Variants in TMTC1 observed in about 807,000 individuals in gnomAD.
TMTC1 encodes protein O-mannosyl-transferase TMTC1.
A neutral mutation model predicts 104.8 loss-of-function variants in TMTC1; 73 were observed. The ratio of observed to expected loss-of-function variants is 0.70; its 90% confidence interval spans 0.58 to 0.85. The LOEUF (loss-of-function observed/expected upper bound fraction) is 0.85. TMTC1 is among the 40% of genes least tolerant of loss of function. The pLI, the probability that TMTC1 is intolerant of heterozygous loss-of-function variation, is 0.00. For synonymous variants in TMTC1, 434 were observed against 428.7 expected (o/e 1.01, Z -0.15); for missense variants, 1,035 against 1,096.1 (o/e 0.94, Z 0.79).
In TMTC1 at chr12:29,758,753, C is replaced by T; in HGVS notation, c.505G>A (p.Asp169Asn). The T allele has an allele frequency of 6.2e-7, 1 of 1,610,806 alleles. No individual in the cohort carries two copies. Among genetic ancestry groups the T allele is most frequent in the Non-Finnish European group, 8.5e-7 (1 of 1,178,930 alleles). Residue 169 changes from aspartate (D) to asparagine (N), a missense_variant, in exon 3 of 18, where the codon GAC (aspartate) becomes AAC (asparagine). By Grantham distance (23) the Asp-to-Asn change is conservative (BLOSUM62 1). Transcript: ENST00000539277. The stretch of plus-strand genomic sequence containing the variant: ...AGAAACAGCAGACACGCTAACACGT[C>T]CGCTCTGCCAACGATCCCAGCCACC... ...EAVAGIVGRA[D>N]VLACLLFLLA...
chr12:29,692,713 C>T (rs11050380), intron 5 of TMTC1, among the ~76,000 whole-genome samples: 40,239 of 144,102 alleles, frequency 0.28, 9,506 homozygotes, highest in Admixed American at 0.39. Context: ...GTATTATTCA[C>T]GACAGCCCCA....
chr12:29,643,621 C>A (rs1215554327), intron 5 of TMTC1, among the ~76,000 whole-genome samples: 42 of 10,198 alleles, frequency 4.1e-3, no homozygotes, highest in South Asian at 7.9e-3. Context: ...TAATATATAT[C>A]TATATATTAT....
chr12:29,715,246 G>A (rs1942043797), intron 5 of TMTC1, among the ~76,000 whole-genome samples: 1 of 152,128 alleles, frequency 6.6e-6, no homozygotes, highest in Admixed American at 6.5e-5. Context: ...AGACCAATGA[G>A]TCATTTTTTG....
At chr12:29,695,813 ATATATATATATATAT>A (rs2136775722) in intron 5 of TMTC1, among the ~76,000 whole-genome samples, 2 of 112,994 alleles carry the variant, frequency 1.8e-5, no homozygotes, top group East Asian at 4.7e-4. Context: ...ATATATATAT[ATATATATATATATAT>A]AACCTGTCTT....
At chr12:29,525,268 C>T (rs144505809) in intron 11 of TMTC1, among the ~76,000 whole-genome samples, 1,946 of 143,142 alleles carry the variant, frequency 0.014, 42 homozygotes, top group African/African-American at 0.047. Flanking sequence ...CCGCAACCTC[C>T]GTCTCCTGGG....
chr12:29,706,544 T>C (rs980508293), intron 5 of TMTC1, among the ~76,000 whole-genome samples: 25 of 152,284 alleles, frequency 1.6e-4, no homozygotes, highest in African/African-American at 5.5e-4. Flanking sequence ...ATTACTTCTA[T>C]GTACATTTTG....
intron 2 of TMTC1, among the ~76,000 whole-genome samples, chr12:29,760,118 T>C (rs912815578): frequency 3.3e-5 from 5 of 152,184 alleles, no homozygotes; most frequent in Non-Finnish European, 7.4e-5. Context: ...CAATAGGCCA[T>C]AGCATCTAGG....
chr12:29,760,018 G>C (rs1265251833), intron 2 of TMTC1, among the ~76,000 whole-genome samples: 1 of 152,032 alleles, frequency 6.6e-6, no homozygotes, highest in Non-Finnish European at 1.5e-5. Context: ...TATTTCTATT[G>C]TATATTTTCT....
At chr12:29,522,735 G>C (rs986325145) in intron 11 of TMTC1, among the ~76,000 whole-genome samples, 1 of 152,160 alleles carries the variant, frequency 6.6e-6, no homozygotes, top group Admixed American at 6.5e-5. Flanking sequence ...TTAAGAACGA[G>C]GCTCCCAAGA....
intron 6 of TMTC1, among the ~76,000 whole-genome samples, chr12:29,616,023 C>G (rs1006360164): frequency 7.9e-5 from 12 of 152,114 alleles, no homozygotes; most frequent in African/African-American, 2.7e-4. Context: ...GTTCCAAATT[C>G]AAATAAGTTT....
In TMTC1 at chr12:29,518,675, T is replaced by C; in HGVS notation, c.1889-68A>G. On this transcript the variant is annotated intron_variant, in intron 12 of 17. Transcript: ENST00000539277. The stretch of plus-strand genomic sequence containing the variant: ...TATAAAAGACATGAACATTTCACTT[T>C]CTCTTCTGACTTATAATTCTTTCTC... The C allele has an allele frequency of 2.6e-6, 4 of 1,551,500 alleles. No individual in the cohort carries two copies. The South Asian group carries it at 4.9e-5, about 19-fold the overall frequency.
chr12:29,637,085 A>AAAAAAC (rs374276185), intron 5 of TMTC1, among the ~76,000 whole-genome samples: 2 of 47,644 alleles, frequency 4.2e-5, no homozygotes, highest in Non-Finnish European at 1.2e-4. Flanking sequence ...CAAAATGAGA[A>AAAAAAC]ACACACACAC....
chr12:29,511,078 C>T (rs1943821287), intron 17 of TMTC1, among the ~76,000 whole-genome samples: 2 of 152,230 alleles, frequency 1.3e-5, no homozygotes, highest in South Asian at 4.1e-4. Context: ...TACTTTGTAA[C>T]TGAGGCCTTT....
At chr12:29,749,574 C>T (rs1424933247) in intron 5 of TMTC1, among the ~76,000 whole-genome samples, 1 of 152,106 alleles carries the variant, frequency 6.6e-6, no homozygotes, top group East Asian at 1.9e-4. Flanking sequence ...TTCACGATTT[C>T]CCCAATTGTT....
chr12:29,619,401 G>T (rs1308988307), intron 6 of TMTC1, among the ~76,000 whole-genome samples: 1 of 152,186 alleles, frequency 6.6e-6, no homozygotes, highest in African/African-American at 2.4e-5. Flanking sequence ...TTCAGCTCCA[G>T]AACAAGGAGA....
rs1488845728 is a variant in TMTC1 at position 29,633,255 on chromosome 12, G to A, written c.1020C>T (p.Val340=). 9.3e-6 allele frequency: 15 copies of A among 1,613,806 alleles called. No individual in the cohort carries two copies. Among genetic ancestry groups the A allele is most frequent in the South Asian group, 5.5e-5 (5 of 91,064 alleles). ...APVTLCYDWQ[V]GSIPLVETIW... ...TGGTCTCTACCAGAGGAATACTGCC[G>A]ACCTGCCAGTCATAGCACAGGGTCA... is the stretch of plus-strand genomic sequence containing the variant. The change falls in exon 6 of 18, where the codon GTC becomes GTT. Residue 340 remains valine, a synonymous_variant. Coordinates refer to ENST00000539277, the MANE Select transcript of TMTC1 (RefSeq NM_001193451.2).
intron 10 of TMTC1, among the ~76,000 whole-genome samples, chr12:29,540,369 A>G (rs927752775): frequency 3.9e-5 from 6 of 152,226 alleles, no homozygotes; most frequent in Non-Finnish European, 7.3e-5. Flanking sequence ...AAAGATTTAG[A>G]CAAAAATACT....
intron 5 of TMTC1, among the ~76,000 whole-genome samples, chr12:29,739,380 C>G (rs1942765613): frequency 6.6e-6 from 1 of 152,144 alleles, no homozygotes; most frequent in Non-Finnish European, 1.5e-5. Flanking sequence ...TGCTTTCTGC[C>G]TGGAGATACT....
At chr12:29,691,475 G>A (rs1941265329) in intron 5 of TMTC1, among the ~76,000 whole-genome samples, 1 of 108,990 alleles carries the variant, frequency 9.2e-6, no homozygotes, top group Non-Finnish European at 2.0e-5. Context: ...AGCTGGCTCT[G>A]TGTGAATTAC....
Sources: allele counts gnomAD v4.1 joint callset (sites outside exome capture counted in the v4.1 genomes callset), GRCh38; gene constraint gnomAD v4.1.1; transcripts MANE v1.5; gene names NCBI Gene and HGNC (gene_info 2026-07-23, HGNC 2026-07-21).